MAP7: variants seen among roughly 807,000 people sequenced by gnomAD.
The protein encoded by MAP7 is ensconsin.
MAP7 carries 52 observed loss-of-function variants against 94.8 expected under a neutral mutation model. That is an observed-to-expected ratio of 0.55 (90% CI 0.44 to 0.69). MAP7 has a LOEUF of 0.69. Ranked by LOEUF, MAP7 falls within the 30% of genes least tolerant of loss-of-function variation. The pLI is 0.00. For synonymous variants in MAP7, 350 were observed against 357.0 expected (o/e 0.98, Z 0.22); for missense variants, 940 against 964.6 (o/e 0.97, Z 0.34).
At chr6:136,496,732 G>A (rs981116214) in intron 1 of MAP7, among the ~76,000 whole-genome samples, 1 of 147,042 alleles carries the variant, frequency 6.8e-6, no homozygotes, top group Non-Finnish European at 1.5e-5. Flanking sequence ...TTGAGGGCAG[G>A]AGTTTGAGAC....
chr6:136,406,591 C>T (rs539488547), intron 3 of MAP7, among the ~76,000 whole-genome samples: 2 of 152,248 alleles, frequency 1.3e-5, no homozygotes, highest in East Asian at 1.9e-4. Context: ...GAGGTCAAGG[C>T]GGGCAAATCC....
rs150003031 is a variant in MAP7 at position 136,374,992 on chromosome 6, C to A, written c.752-2367G>T. On this transcript the variant is annotated intron_variant, in intron 7 of 17. Transcript: ENST00000354570. ...AGTTAATTAAACATGAACACTGTCT[C>A]ACGAAAATGTCTTTAAGAAAGTCTC... Among the ~76,000 whole-genome samples, 732 of 152,088 alleles carry A rather than the reference C, an allele frequency of 4.8e-3. 2 individuals are homozygous for A. Among genetic ancestry groups the A allele is most frequent in the Middle Eastern group, 0.024 (7 of 294 alleles).
intron 3 of MAP7, among the ~76,000 whole-genome samples, chr6:136,398,072 A>G (rs897798620): frequency 1.3e-5 from 2 of 152,356 alleles, no homozygotes; most frequent in Admixed American, 6.5e-5. Context: ...GTAACAATAT[A>G]TCAGTACCAT....
intron 6 of MAP7, among the ~76,000 whole-genome samples, chr6:136,381,115 ATAAC>A (rs1359075808): frequency 2.0e-5 from 3 of 152,264 alleles, no homozygotes; most frequent in East Asian, 1.9e-4. Flanking sequence ...ATAATAAAGT[ATAAC>A]TAACTTTTAA....
chr6:136,364,647 C>T (rs1793780643), intron 10 of MAP7: 1 of 191,368 alleles, frequency 5.2e-6, no homozygotes, highest in Non-Finnish European at 1.1e-5. Flanking sequence ...TCATAAAATA[C>T]ATTGTACATT....
intron 1 of MAP7, among the ~76,000 whole-genome samples, chr6:136,436,831 T>C (rs1433702384): frequency 6.6e-6 from 1 of 152,216 alleles, no homozygotes; most frequent in Admixed American, 6.5e-5. Context: ...AAATTTACCT[T>C]CTCTTTCTAT....
chr6:136,385,687 ATTAC>A (rs1779006907), intron 5 of MAP7, among the ~76,000 whole-genome samples: 1 of 152,212 alleles, frequency 6.6e-6, no homozygotes, highest in Admixed American at 6.5e-5. Flanking sequence ...GAATTTGTTT[ATTAC>A]TTAATATATA....
intron 3 of MAP7, among the ~76,000 whole-genome samples, chr6:136,401,086 C>T (rs1409216660): frequency 6.6e-6 from 1 of 152,196 alleles, no homozygotes; most frequent in Non-Finnish European, 1.5e-5. Flanking sequence ...CAGTGGCTCA[C>T]ACCTGTAATC....
At chr6:136,462,837 C>A (rs575356479) in intron 1 of MAP7, among the ~76,000 whole-genome samples, 1 of 151,178 alleles carries the variant, frequency 6.6e-6, no homozygotes, top group South Asian at 2.1e-4. Flanking sequence ...TGGTGCATGC[C>A]TGTAGTCCCA....
intron 1 of MAP7, among the ~76,000 whole-genome samples, chr6:136,548,700 T>G (rs2129063789): frequency 6.6e-6 from 1 of 152,354 alleles, no homozygotes; most frequent in African/African-American, 2.4e-5. Context: ...CAGTTTGTAG[T>G]CAGTTCACTT....
chr6:136,361,124 C>T lies in MAP7; in HGVS notation c.1582G>A (p.Glu528Lys). The change falls in exon 12 of 18, where the codon GAG (glutamate) becomes AAG (lysine). Residue 528 changes from glutamate to lysine, a missense_variant. Glu to Lys is a moderately conservative substitution (Grantham distance 56, BLOSUM62 1). Coordinates refer to ENST00000354570, the MANE Select transcript of MAP7 (RefSeq NM_003980.6). Reference sequence around the variant, plus strand: ...GCTTCCAGCCTGCGCGACTCCTCCTCACGGCGAGTCGTCCTCTCTTCAGCC... The same window carrying T: ...GCTTCCAGCCTGCGCGACTCCTCCTTACGGCGAGTCGTCCTCTCTTCAGCC... ...RVAEERTTRR[E>K]EESRRLEAEQ... 6.2e-7 allele frequency: 1 copy of T among 1,605,658 alleles called. No homozygotes were observed. Among genetic ancestry groups the T allele is most frequent in the Non-Finnish European group, 8.5e-7 (1 of 1,179,898 alleles).
chr6:136,383,989 T>C (rs1410490807), intron 5 of MAP7, among the ~76,000 whole-genome samples: 1 of 152,212 alleles, frequency 6.6e-6, no homozygotes, highest in East Asian at 1.9e-4. Flanking sequence ...AAAATAAATA[T>C]TTATTTCACC....
chr6:136,513,772 G>A (rs570371089), intron 1 of MAP7, among the ~76,000 whole-genome samples: 4 of 152,294 alleles, frequency 2.6e-5, no homozygotes, highest in East Asian at 1.9e-4. Context: ...AGCCCCAGAC[G>A]CATCCTGTGG....
intron 15 of MAP7, among the ~76,000 whole-genome samples, chr6:136,358,227 T>C (rs1791541679): frequency 6.6e-6 from 1 of 152,132 alleles, no homozygotes; most frequent in South Asian, 2.1e-4. Flanking sequence ...AAAGAACAGA[T>C]AAGGAAAGGG....
intron 1 of MAP7, among the ~76,000 whole-genome samples, chr6:136,517,717 C>A (rs901590845): frequency 3.3e-5 from 5 of 152,078 alleles, no homozygotes; most frequent in Admixed American, 2.0e-4. Flanking sequence ...CAGTTTCTCA[C>A]ACCAAATATA....
At chr6:136,360,657 C>T (rs754794323) in intron 13 of MAP7, 40 bp downstream of exon 13, 18 of 1,583,918 alleles carry the variant, frequency 1.1e-5, no homozygotes, top group Admixed American at 1.7e-5. Context: ...CTTAGAGGTG[C>T]AAGTTCGCGT....
chr6:136,361,889 C>T (rs567124323), intron 11 of MAP7, among the ~76,000 whole-genome samples: 58 of 151,986 alleles, frequency 3.8e-4, no homozygotes, highest in African/African-American at 1.1e-3. Context: ...AAAGATAAAA[C>T]GGAAACCTGG....
At chr6:136,423,788 T>TC (rs1306566584) in intron 1 of MAP7, among the ~76,000 whole-genome samples, 1 of 136,694 alleles carries the variant, frequency 7.3e-6, no homozygotes. Flanking sequence ...TTGTGTTTTT[T>TC]TTTTTTGTTT....
intron 1 of MAP7, among the ~76,000 whole-genome samples, chr6:136,442,048 C>T (rs772215051): frequency 1.6e-4 from 24 of 151,644 alleles, no homozygotes; most frequent in Non-Finnish European, 7.4e-5. Context: ...TTTCAAACTA[C>T]AAAGTAAATC....
Sources: gnomAD v4.1 joint callset for allele counts (sites outside exome capture counted in the v4.1 genomes callset) on GRCh38, gnomAD v4.1.1 for gene constraint, MANE v1.5 for transcripts, NCBI Gene and HGNC (gene_info 2026-07-23, HGNC 2026-07-21) for gene names.